ZMYM4: variants seen among roughly 807,000 people sequenced by gnomAD.
ZMYM4 encodes zinc finger MYM-type protein 4.
In ZMYM4, 31 loss-of-function variants were observed where a neutral mutation model predicts 183.2. The ratio of observed to expected loss-of-function variants is 0.17; its 90% confidence interval spans 0.13 to 0.23. ZMYM4 has a LOEUF of 0.23. Among genes scored for constraint, ZMYM4 ranks in the 10% least tolerant of loss-of-function variants. The probability of loss-of-function intolerance (pLI) is 1.00; values close to 1 mark genes in which losing one functional copy is unlikely to be tolerated. For missense variants in ZMYM4, 1,273 were observed against 1,840.3 expected (o/e 0.69, Z 5.64); for synonymous variants, 592 against 631.2 (o/e 0.94, Z 0.93).
chr1:35,276,853 C>T (rs1011636442), intron 1 of ZMYM4, among the ~76,000 whole-genome samples: 5 of 152,144 alleles, frequency 3.3e-5, no homozygotes, highest in African/African-American at 7.2e-5. Flanking sequence ...GTGATCCACC[C>T]GCCTCCGCCT....
rs541074494 is a variant in ZMYM4, at chr1:35,358,080, T to A, written c.86-845T>A. 7.0e-4 allele frequency among the ~76,000 whole-genome samples: 107 copies of A among 152,296 alleles called. 1 individual carries two copies. The South Asian group carries it at 8.3e-3, about 12-fold the overall frequency. On this transcript the variant is annotated intron_variant, in intron 2 of 29. Transcript: ENST00000314607. ...TTGACCATTAGGAGATCATTGATGA[T>A]GTTAATGAGAAAAGTTCCAGTGGAA...
intron 25 of ZMYM4, among the ~76,000 whole-genome samples, chr1:35,405,974 C>T (rs189597369): frequency 3.9e-5 from 6 of 152,148 alleles, no homozygotes; most frequent in African/African-American, 1.2e-4. Flanking sequence ...CTTTTGACAC[C>T]CTATTCTAAA....
intron 28 of ZMYM4, among the ~76,000 whole-genome samples, chr1:35,416,659 G>C (rs1640125273): frequency 6.6e-6 from 1 of 152,142 alleles, no homozygotes; most frequent in African/African-American, 2.4e-5. Context: ...CGCCTCCCAG[G>C]TTCAAGCAAT....
At chr1:35,416,550 A>T (rs545910950) in intron 28 of ZMYM4, among the ~76,000 whole-genome samples, 1 of 151,838 alleles carries the variant, frequency 6.6e-6, no homozygotes, top group Admixed American at 6.6e-5. Context: ...TTGTGCTCTC[A>T]ATTGATTTTT....
intron 13 of ZMYM4, 106 bp from the exon 14 acceptor site, chr1:35,388,804 G>T: frequency 9.8e-7 from 1 of 1,017,798 alleles, no homozygotes; most frequent in Non-Finnish European, 1.4e-6. Flanking sequence ...CCAAAGTGTT[G>T]GGATTACAGG....
At chr1:35,347,607 T>C (rs1643447076) in intron 2 of ZMYM4, among the ~76,000 whole-genome samples, 1 of 152,120 alleles carries the variant, frequency 6.6e-6, no homozygotes, top group East Asian at 1.9e-4. Flanking sequence ...GAAAGGGATA[T>C]CAGCTAAATC....
intron 13 of ZMYM4, 68 bp from the exon 14 acceptor site, chr1:35,388,842 A>C: frequency 2.5e-4 from 334 of 1,362,798 alleles, no homozygotes; most frequent in Non-Finnish European, 3.1e-4. Flanking sequence ...GGCCTGTCCT[A>C]GGCCATTTAA....
At chr1:35,351,591 AG>A in intron 2 of ZMYM4, 1 of 774,276 alleles carries the variant, frequency 1.3e-6, no homozygotes, top group Non-Finnish European at 2.2e-6. Context: ...GCTCAGGAGC[AG>A]GCTGCTGAGA....
intron 1 of ZMYM4, among the ~76,000 whole-genome samples, chr1:35,308,024 C>T (rs1021980025): frequency 6.6e-6 from 1 of 150,748 alleles, no homozygotes; most frequent in Non-Finnish European, 1.5e-5. Flanking sequence ...GATGGAATCT[C>T]GATATCACCC....
chr1:35,375,033 C>G (rs1409998616), intron 7 of ZMYM4, among the ~76,000 whole-genome samples: 2 of 152,148 alleles, frequency 1.3e-5, no homozygotes, highest in African/African-American at 4.8e-5. Flanking sequence ...TGACTCTTTA[C>G]AGTTCTACCT....
chr1:35,306,520 A>G (rs990874920), intron 1 of ZMYM4, among the ~76,000 whole-genome samples: 11 of 152,266 alleles, frequency 7.2e-5, no homozygotes, highest in African/African-American at 2.4e-4. Flanking sequence ...TTTTTAAAAT[A>G]TCCATTAGTT....
In ZMYM4 at chr1:35,387,296, C is replaced by G. The variant is rs1409065312; in HGVS notation, c.2112+18C>G. The stretch of plus-strand genomic sequence containing the variant: ...ACTATAAGGTAAAGTATAGCATGTT[C>G]ATGATAAGATTTTGAGTATACGTGG... On this transcript the variant is annotated intron_variant, in intron 12 of 29. Coordinates refer to ENST00000314607, the MANE Select transcript of ZMYM4 (RefSeq NM_005095.3). 4.4e-6 allele frequency: 7 copies of G among 1,608,384 alleles called. No individual in the cohort carries two copies. The highest frequency in any genetic ancestry group is 6.0e-6 in the Non-Finnish European group (7 of 1,175,542).
intron 1 of ZMYM4, among the ~76,000 whole-genome samples, chr1:35,295,484 A>G (rs1236126902): frequency 6.6e-6 from 1 of 152,192 alleles, no homozygotes; most frequent in Non-Finnish European, 1.5e-5. Context: ...GGGCCTTTTA[A>G]GGTCAGATAA....
At chr1:35,339,122 T>C (rs1250959142) in intron 2 of ZMYM4, among the ~76,000 whole-genome samples, 1 of 152,174 alleles carries the variant, frequency 6.6e-6, no homozygotes, top group African/African-American at 2.4e-5. Context: ...ATCAAAAATA[T>C]TTGGAAAAAA....
intron 1 of ZMYM4, among the ~76,000 whole-genome samples, chr1:35,284,622 A>T (rs1295005734): frequency 6.6e-6 from 1 of 152,198 alleles, no homozygotes; most frequent in African/African-American, 2.4e-5. Flanking sequence ...GTCGTAACAC[A>T]GTATCATAGT....
At position 35,343,663 on chromosome 1, in the gene ZMYM4, G is replaced by A. The variant is rs558352659; in HGVS notation, c.86-15262G>A. Among the ~76,000 whole-genome samples, 11 of 152,016 alleles carry A rather than the reference G, an allele frequency of 7.2e-5. No individual in the cohort carries two copies. In the East Asian group the frequency reaches 1.4e-3, roughly 19 times the overall value. On this transcript the variant is annotated intron_variant, in intron 2 of 29. Transcript: ENST00000314607. Reference sequence around the variant, plus strand: ...GCGGATTGCCTGAGGTCAGGAGTTCGAGACCAGCCTGGCCAACATGGTGAA... The same window carrying A: ...GCGGATTGCCTGAGGTCAGGAGTTCAAGACCAGCCTGGCCAACATGGTGAA...
At position 35,269,069 on chromosome 1, in the gene ZMYM4, C is replaced by A. The variant is rs1639453947; in HGVS notation, c.23C>A (p.Ser8Tyr). ...AACATGGCGGAGAGAGAGGTGGAGT[C>A]CGGCCCCCGAAAGAGGGTAGGTGAG... is the stretch of plus-strand genomic sequence containing the variant. MAEREVESGPRKRFEQKS... is the reference protein window; with the variant it reads MAEREVEYGPRKRFEQKS... Residue 8 changes from serine (S) to tyrosine (Y), a missense_variant, in exon 1 of 30, where the codon TCC becomes TAC. Around this residue, in one of 6 missense-constraint regions of ZMYM4, gnomAD observed 384 missense variants for 465.6 expected, o/e 0.82. Coordinates refer to ENST00000314607, the MANE Select transcript of ZMYM4 (RefSeq NM_005095.3). 1.9e-6 allele frequency: 3 copies of A among 1,549,420 alleles called. No individual in the cohort carries two copies. In the East Asian group the frequency reaches 7.3e-5, roughly 38 times the overall value.
intron 1 of ZMYM4, among the ~76,000 whole-genome samples, chr1:35,281,283 CA>C (rs140464833): frequency 0.037 from 4,086 of 109,436 alleles, 107 homozygotes; most frequent in African/African-American, 0.1. Flanking sequence ...GACTCCATCT[CA>C]AAAAAAAAAA....
At chr1:35,386,662 A>G (rs987257736) in intron 11 of ZMYM4, among the ~76,000 whole-genome samples, 1 of 152,216 alleles carries the variant, frequency 6.6e-6, no homozygotes, top group African/African-American at 2.4e-5. Flanking sequence ...CCTGGGTTGT[A>G]TAAGTTTCTA....
Sources: allele counts gnomAD v4.1 joint callset (sites outside exome capture counted in the v4.1 genomes callset), GRCh38; gene constraint gnomAD v4.1.1; regional missense constraint gnomAD v4.1.1; transcripts MANE v1.5; gene names NCBI Gene and HGNC (gene_info 2026-07-23, HGNC 2026-07-21).